VPS8: variants seen among roughly 807,000 people sequenced by gnomAD.
VPS8 encodes VPS8 subunit of CORVET complex.
In VPS8, 129 loss-of-function variants were observed where a neutral mutation model predicts 216.4. The ratio of observed to expected loss-of-function variants is 0.60; its 90% CI spans 0.52 to 0.69. The LOEUF (loss-of-function observed/expected upper bound fraction) is 0.69, where lower values mean the gene tolerates loss of function less well. Ranked by LOEUF, VPS8 falls within the 30% of genes least tolerant of loss-of-function variation. The pLI is 0.00. For missense variants in VPS8, 1,531 were observed against 1,683.5 expected, an observed-to-expected ratio of 0.91 and a Z score of 1.59; for synonymous variants, 571 against 565.4, an observed-to-expected ratio of 1.01 and a Z score of -0.14.
Position 184,883,286 on chromosome 3 carries a change from A to G in VPS8, c.1735-2824A>G, listed in dbSNP as rs56182724. Among the ~76,000 whole-genome samples, 766 of 152,194 alleles carry G rather than the reference A, an allele frequency of 5.0e-3. 3 individuals carry two copies. Among genetic ancestry groups the G allele is most frequent in the Non-Finnish European group, 9.2e-3 (625 of 67,984 alleles). The stretch of plus-strand genomic sequence containing the variant: ...TCCTTGGACAATTTTATTTCTATTC[A>G]TTGTTTCCTCTGATAACTTAGAAAT... On this transcript the variant is annotated intron_variant, in intron 21 of 47. Coordinates refer to ENST00000625842, the MANE Select transcript of VPS8 (RefSeq NM_001009921.3).
chr3:184,869,610 A>G (rs1415769142), intron 20 of VPS8, 82 bp downstream of exon 20: 7 of 1,352,008 alleles, frequency 5.2e-6, no homozygotes, highest in Non-Finnish European at 7.4e-6. Flanking sequence ...GCATGAGTAG[A>G]TAAATGGCTA....
chr3:184,848,559 GTATTC>G (rs1723599722), intron 8 of VPS8, among the ~76,000 whole-genome samples: 3 of 116,606 alleles, frequency 2.6e-5, no homozygotes, highest in Middle Eastern at 4.3e-3. Flanking sequence ...TTTTTTTCCT[GTATTC>G]TTTTTTTTTT....
Position 184,983,110 on chromosome 3 carries a change from T to C in VPS8, c.3585+16T>C. The C allele has an allele frequency of 3.2e-6, 5 of 1,574,720 alleles. No homozygotes were observed. Among genetic ancestry groups the C allele is most frequent in the Non-Finnish European group, 4.3e-6 (5 of 1,157,236 alleles). ...AATCTTACAGGTGAGTTAAAAGGGG[T>C]GAATATTAAATATTGATTTCAACTA... On this transcript the variant is annotated intron_variant, in intron 42 of 47. Coordinates refer to ENST00000625842, the MANE Select transcript of VPS8 (RefSeq NM_001009921.3).
At chr3:184,860,924 C>CAATT (rs1726241372) in intron 15 of VPS8, among the ~76,000 whole-genome samples, 2 of 151,558 alleles carry the variant, frequency 1.3e-5, no homozygotes, top group African/African-American at 4.9e-5. Context: ...CAGGTTCAAG[C>CAATT]AATTCTCCTG....
intron 8 of VPS8, among the ~76,000 whole-genome samples, chr3:184,844,633 T>C (rs1234333547): frequency 6.6e-6 from 1 of 152,096 alleles, no homozygotes; most frequent in Non-Finnish European, 1.5e-5. Flanking sequence ...AAATTTAGAT[T>C]TTAGGGCTGT....
intron 5 of VPS8, chr3:184,835,038 ATT>A (rs1003143252): frequency 3.9e-5 from 9 of 228,434 alleles, no homozygotes; most frequent in Non-Finnish European, 5.9e-5. Flanking sequence ...ATTCCTTTTC[ATT>A]TAGTTGCCGT....
intron 31 of VPS8, among the ~76,000 whole-genome samples, chr3:184,927,615 C>T (rs1214799647): frequency 6.6e-6 from 1 of 152,062 alleles, no homozygotes; most frequent in African/African-American, 2.4e-5. Context: ...CCATTTTAAC[C>T]ATTTTTAAGT....
intron 3 of VPS8, among the ~76,000 whole-genome samples, chr3:184,830,813 A>G (rs1203678252): frequency 3.3e-5 from 5 of 152,236 alleles, no homozygotes; most frequent in African/African-American, 7.2e-5. Context: ...CTTAAGCAAC[A>G]TAATGTCTTA....
intron 40 of VPS8, among the ~76,000 whole-genome samples, chr3:184,977,438 G>T (rs1260340568): frequency 1.3e-5 from 2 of 152,072 alleles, no homozygotes; most frequent in Non-Finnish European, 2.9e-5. Flanking sequence ...TTCTCTTGCT[G>T]TGCAGAAGCT....
chr3:185,034,747 G>A (rs1289379573), intron 46 of VPS8, among the ~76,000 whole-genome samples: 1 of 151,832 alleles, frequency 6.6e-6, no homozygotes, highest in African/African-American at 2.4e-5. Flanking sequence ...TTTTGCATTT[G>A]TTGCAATTGC....
intron 46 of VPS8, among the ~76,000 whole-genome samples, chr3:185,042,619 T>C (rs1403115139): frequency 6.6e-6 from 1 of 152,156 alleles, no homozygotes; most frequent in Non-Finnish European, 1.5e-5. Flanking sequence ...CCGGCAGTGA[T>C]TTTTTAATGT....
chr3:185,026,623 C>G (rs1023261913), intron 46 of VPS8, among the ~76,000 whole-genome samples: 1 of 150,984 alleles, frequency 6.6e-6, no homozygotes, highest in South Asian at 2.1e-4. Context: ...TGTTGGTCAG[C>G]TGGTCTCGAA....
intron 22 of VPS8, among the ~76,000 whole-genome samples, chr3:184,888,422 G>T (rs1731712175): frequency 6.6e-6 from 1 of 152,190 alleles, no homozygotes; most frequent in African/African-American, 2.4e-5. Context: ...GACAGTGATT[G>T]TGTAGTTAAT....
chr3:184,812,642 C>T (rs936576750), intron 1 of VPS8: 4 of 152,238 alleles, frequency 2.6e-5, no homozygotes, highest in Admixed American at 2.6e-4. Flanking sequence ...CCCTCAGTTC[C>T]CTATCTACTT....
intron 11 of VPS8, 46 bp from the exon 12 acceptor site, chr3:184,853,811 T>C (rs1284604197): frequency 1.1e-5 from 17 of 1,548,522 alleles, no homozygotes; most frequent in Admixed American, 2.0e-5. Context: ...AGTAGTGCCT[T>C]GGATCATTGC....
At chr3:184,854,499 G>T (rs1409099194) in intron 13 of VPS8, among the ~76,000 whole-genome samples, 1 of 152,138 alleles carries the variant, frequency 6.6e-6, no homozygotes, top group Non-Finnish European at 1.5e-5. Flanking sequence ...GTACTCTGTG[G>T]TCACACCTAA....
chr3:185,051,514 C>T (rs958174482), intron 47 of VPS8, among the ~76,000 whole-genome samples: 9 of 152,086 alleles, frequency 5.9e-5, no homozygotes, highest in African/African-American at 2.2e-4. Context: ...GCCCAGGGCG[C>T]GTCCACAGGG....
chr3:185,052,033 A>T lies in VPS8; in HGVS notation c.*8A>T. On this transcript the variant is annotated 3_prime_UTR_variant, in exon 48 of 48. Transcript: ENST00000625842. ...CCTGTGACTGAGGATTGATGACTCC[A>T]TGGAGCCTGGCCCAGGAGAACCAGA... 2 of 1,609,398 alleles carry T rather than the reference A, an allele frequency of 1.2e-6. No homozygotes were observed. Among genetic ancestry groups the T allele is most frequent in the Admixed American group, 3.4e-5 (2 of 59,566 alleles).
intron 22 of VPS8, among the ~76,000 whole-genome samples, chr3:184,889,692 T>G (rs1000270): frequency 0.22 from 34,136 of 152,008 alleles, 4,814 homozygotes; most frequent in East Asian, 0.63. Context: ...GAGGGCAGCA[T>G]TCCTAGAGAT....
Sources: gnomAD v4.1 joint callset for allele counts (sites outside exome capture counted in the v4.1 genomes callset) on GRCh38, gnomAD v4.1.1 for gene constraint, MANE v1.5 for transcripts, NCBI Gene and HGNC (gene_info 2026-07-23, HGNC 2026-07-21) for gene names.